GPR141: variants seen among roughly 807,000 people sequenced by gnomAD.
GPR141 encodes the protein G protein-coupled receptor 141.
Under a neutral mutation model 6.8 loss-of-function variants are expected in GPR141, and 6 were observed. The observed-to-expected ratio is 0.88, with a 90% CI of 0.48 to 1.74. GPR141 has a LOEUF of 1.74. Among genes scored for constraint, GPR141 ranks in the 40% most tolerant of loss-of-function variants. The pLI is 0.01. For missense variants in GPR141, 372 were observed against 372.9 expected, an observed-to-expected ratio of 1.00 and a Z score of 0.02; for synonymous variants, 140 against 142.3, an observed-to-expected ratio of 0.98 and a Z score of 0.11.
intron 2 of GPR141, among the ~76,000 whole-genome samples, chr7:37,690,626 C>T (rs977585025): frequency 6.6e-6 from 1 of 152,084 alleles, no homozygotes; most frequent in African/African-American, 2.4e-5. Flanking sequence ...CAACCTAATA[C>T]ACTCTTGTTA....
intron 2 of GPR141, among the ~76,000 whole-genome samples, chr7:37,695,044 G>T (rs925179296): frequency 6.6e-6 from 1 of 152,232 alleles, no homozygotes; most frequent in Admixed American, 6.5e-5. Flanking sequence ...TGTATATGGA[G>T]CTGTTCTGCC....
chr7:37,738,951 T>C lies in GPR141; in HGVS notation c.-14-1429T>C, dbSNP rs73126916. Among the ~76,000 whole-genome samples the C allele has an allele frequency of 7.6e-3, 1,153 of 152,314 alleles. 8 individuals are homozygous for C. Among genetic ancestry groups the C allele is most frequent in the Middle Eastern group, 0.014 (4 of 294 alleles). ...TTGTTATGGTCCCTCTAATGAGTAT[T>C]TTTCCCTAATTGTCTCTCCCCACTT... On this transcript the variant is annotated intron_variant, in intron 2 of 2. Transcript: ENST00000334425.
intron 2 of GPR141, among the ~76,000 whole-genome samples, chr7:37,716,615 T>C (rs868297335): frequency 4.6e-5 from 7 of 152,268 alleles, no homozygotes; most frequent in African/African-American, 1.7e-4. Flanking sequence ...GTTTTTCCAA[T>C]AAGTGTGGTC....
chr7:37,713,092 G>T (rs59059257), intron 2 of GPR141, among the ~76,000 whole-genome samples: 1 of 152,208 alleles, frequency 6.6e-6, no homozygotes, highest in Non-Finnish European at 1.5e-5. Flanking sequence ...ATGGGCCAAA[G>T]CAAGTCACCT....
At chr7:37,714,276 C>G (rs1285469845) in intron 2 of GPR141, among the ~76,000 whole-genome samples, 1 of 152,132 alleles carries the variant, frequency 6.6e-6, no homozygotes, top group East Asian at 1.9e-4. Context: ...TTTTTCTCTT[C>G]TCTTATTTCA....
At chr7:37,684,261 A>G (rs1809402436) in intron 1 of GPR141, among the ~76,000 whole-genome samples, 1 of 152,170 alleles carries the variant, frequency 6.6e-6, no homozygotes, top group Admixed American at 6.5e-5. Context: ...TGATGTCTTA[A>G]TTTCCTTTTG....
At chr7:37,685,940 A>G (rs951158374) in intron 2 of GPR141, among the ~76,000 whole-genome samples, 5 of 152,100 alleles carry the variant, frequency 3.3e-5, no homozygotes, top group Admixed American at 6.6e-5. Context: ...TGCTAGCACT[A>G]TAAGAGACGT....
At chr7:37,701,134 C>G (rs1470439972) in intron 2 of GPR141, among the ~76,000 whole-genome samples, 1 of 152,182 alleles carries the variant, frequency 6.6e-6, no homozygotes. Flanking sequence ...GACAATACAT[C>G]TTATGATTCG....
chr7:37,728,862 C>G (rs890375339), intron 2 of GPR141, among the ~76,000 whole-genome samples: 14 of 152,148 alleles, frequency 9.2e-5, no homozygotes, highest in Admixed American at 5.2e-4. Context: ...AAGGCCTGGC[C>G]TGGTATGTCA....
chr7:37,686,248 TGACTCA>T (rs982624381), intron 2 of GPR141, among the ~76,000 whole-genome samples: 10 of 150,526 alleles, frequency 6.6e-5, no homozygotes, highest in Non-Finnish European at 1.2e-4. Flanking sequence ...GCAGTCTTCC[TGACTCA>T]GACTCAGACT....
At chr7:37,700,709 A>G (rs1423899817) in intron 2 of GPR141, among the ~76,000 whole-genome samples, 1 of 152,204 alleles carries the variant, frequency 6.6e-6, no homozygotes, top group East Asian at 1.9e-4. Context: ...ACAACCTCCT[A>G]GTCATACAAT....
At chr7:37,735,142 T>C (rs1265137735) in intron 2 of GPR141, among the ~76,000 whole-genome samples, 2 of 152,176 alleles carry the variant, frequency 1.3e-5, no homozygotes, top group African/African-American at 4.8e-5. Context: ...CCACCAGGAA[T>C]AATCCAAGAA....
At chr7:37,707,085 C>T (rs979328122) in intron 2 of GPR141, among the ~76,000 whole-genome samples, 1 of 152,118 alleles carries the variant, frequency 6.6e-6, no homozygotes, top group Admixed American at 6.6e-5. Context: ...GGTGGTGGAG[C>T]CAGACAGAAC....
At position 37,741,249 on chromosome 7, in the gene GPR141, G is replaced by C; in HGVS notation, c.856G>C (p.Gly286Arg). ...SCYDLLLFVF[G>R]GSHWFKQKII... The stretch of plus-strand genomic sequence containing the variant: ...CTATGATTTGCTTCTCTTTGTCTTT[G>C]GGGGAAGCCATTGGTTTAAGCAAAA... The change falls in exon 3 of 3, where the codon GGG (glycine) becomes CGG (arginine). Residue 286 changes from glycine to arginine, a missense_variant. Physicochemically the swap from Gly to Arg is moderately radical, Grantham distance 125. Coordinates refer to ENST00000334425, the MANE Select transcript of GPR141 (RefSeq NM_001381946.1). 6.2e-7 allele frequency: 1 copy of C among 1,610,874 alleles called. No individual in the cohort carries two copies. Among genetic ancestry groups the C allele is most frequent in the Non-Finnish European group, 8.5e-7 (1 of 1,177,618 alleles).
At chr7:37,708,328 A>C (rs996111713) in intron 2 of GPR141, among the ~76,000 whole-genome samples, 1 of 151,340 alleles carries the variant, frequency 6.6e-6, no homozygotes, top group Non-Finnish European at 1.5e-5. Flanking sequence ...AAAAAAAAAA[A>C]AAAAAAACGC....
At chr7:37,689,237 A>T (rs749771317) in intron 2 of GPR141, among the ~76,000 whole-genome samples, 11 of 152,132 alleles carry the variant, frequency 7.2e-5, no homozygotes, top group Non-Finnish European at 1.6e-4. Flanking sequence ...CTTAGGATAA[A>T]TCCCTTTTGG....
At chr7:37,730,338 C>T (rs897932308) in intron 2 of GPR141, among the ~76,000 whole-genome samples, 1 of 152,142 alleles carries the variant, frequency 6.6e-6, no homozygotes, top group Admixed American at 6.5e-5. Context: ...ATAATAATAA[C>T]AAGTGTATCT....
intron 2 of GPR141, among the ~76,000 whole-genome samples, chr7:37,699,562 AAAAAC>A (rs1191352293): frequency 1.3e-5 from 2 of 152,226 alleles, no homozygotes; most frequent in Non-Finnish European, 2.9e-5. Context: ...CTCCGACTCA[AAAAAC>A]AAAACAAAAC....
intron 2 of GPR141, among the ~76,000 whole-genome samples, chr7:37,696,035 G>T (rs1427803924): frequency 6.6e-6 from 1 of 152,062 alleles, no homozygotes; most frequent in Non-Finnish European, 1.5e-5. Flanking sequence ...ATATACCTTG[G>T]CCTCCAGCCA....
Sources: gnomAD v4.1 joint callset for allele counts (sites outside exome capture counted in the v4.1 genomes callset) on GRCh38, gnomAD v4.1.1 for gene constraint, MANE v1.5 for transcripts, NCBI Gene and HGNC (gene_info 2026-07-23, HGNC 2026-07-21) for gene names.